The following UGGT2 variants were observed in gnomAD, a reference collection of about 807,000 sequenced individuals.
The protein encoded by UGGT2 is UDP-glucose glycoprotein glucosyltransferase 2.
A neutral mutation model predicts 192.1 loss-of-function variants in UGGT2; 180 were observed. That is an observed-to-expected ratio of 0.94 (90% confidence interval 0.83 to 1.06). The LOEUF is 1.06. Among genes scored for constraint, UGGT2 ranks in the 50% least tolerant of loss-of-function variants. The pLI is 0.00. For synonymous variants in UGGT2, 580 were observed against 591.0 expected, an observed-to-expected ratio of 0.98 and a Z score of 0.27; for missense variants, 1,849 against 1,795.7, an observed-to-expected ratio of 1.03 and a Z score of -0.54.
intron 36 of UGGT2, among the ~76,000 whole-genome samples, chr13:95,843,194 A>C (rs749751364): frequency 3.3e-5 from 5 of 152,226 alleles, no homozygotes; most frequent in Non-Finnish European, 7.4e-5. Context: ...AAATCGCCAA[A>C]CTGATTTTCA....
chr13:95,846,152 C>T (rs531604890), intron 36 of UGGT2, among the ~76,000 whole-genome samples: 3 of 152,184 alleles, frequency 2.0e-5, no homozygotes, highest in South Asian at 2.1e-4. Context: ...ACTGAGTGAA[C>T]GAGACTCCGT....
chr13:96,033,375 C>G (rs866062068), intron 1 of UGGT2, among the ~76,000 whole-genome samples: 6 of 152,162 alleles, frequency 3.9e-5, no homozygotes, highest in Non-Finnish European at 8.8e-5. Flanking sequence ...GAAGCCCCAC[C>G]CACTTCTGAG....
chr13:96,031,681 G>T (rs1044181660), intron 2 of UGGT2, among the ~76,000 whole-genome samples: 3 of 151,858 alleles, frequency 2.0e-5, no homozygotes, highest in Non-Finnish European at 4.4e-5. Context: ...ATTATATGAG[G>T]TATCTTATAA....
rs1244814495 is a variant in UGGT2 at position 95,878,266 on chromosome 13, CT to C, written c.3229-411del. Among the ~76,000 whole-genome samples the C allele has an allele frequency of 3.3e-5, 5 of 151,950 alleles. 1 individual carries two copies. Among genetic ancestry groups the C allele is most frequent in the South Asian group, 4.1e-4 (2 of 4,820 alleles). ...TAAAAAAATTAATGTCTATAATCAA[CT>C]AATTATAAATTGATCGATATATTTT... is the stretch of plus-strand genomic sequence containing the variant. On this transcript the variant is annotated intron_variant, in intron 27 of 38. Transcript: ENST00000376747.
chr13:95,958,341 C>T (rs965575307), intron 12 of UGGT2, among the ~76,000 whole-genome samples: 3 of 152,150 alleles, frequency 2.0e-5, no homozygotes, highest in South Asian at 2.1e-4. Context: ...TTAGTAGAGA[C>T]GGGGTTTCAC....
chr13:95,919,378 C>T (rs1218811939), intron 20 of UGGT2, among the ~76,000 whole-genome samples: 1 of 152,000 alleles, frequency 6.6e-6, no homozygotes, highest in African/African-American at 2.4e-5. Flanking sequence ...GGTAATCAGG[C>T]GCAAGAAAGA....
At chr13:95,875,729 A>T (rs904229821) in intron 29 of UGGT2, among the ~76,000 whole-genome samples, 1 of 152,106 alleles carries the variant, frequency 6.6e-6, no homozygotes, top group Non-Finnish European at 1.5e-5. Flanking sequence ...CACCTCTACC[A>T]CAGAACTAAG....
chr13:95,939,569 G>T (rs2049592177), intron 16 of UGGT2, among the ~76,000 whole-genome samples: 1 of 138,870 alleles, frequency 7.2e-6, no homozygotes, highest in African/African-American at 2.7e-5. Context: ...AAATATATAT[G>T]TTTATGATAT....
Position 95,947,987 on chromosome 13 carries a change from G to T in UGGT2, c.1541+9C>A. On this transcript the variant is annotated intron_variant, in intron 14 of 38. Transcript: ENST00000376747. ...AGTTGACAGTTTAATGCTATAAAATGACAATTACCTAAGAGGAACTTCGTG... is the reference window on the plus strand; with the variant it reads ...AGTTGACAGTTTAATGCTATAAAATTACAATTACCTAAGAGGAACTTCGTG... The T allele has an allele frequency of 1.2e-6, 2 of 1,600,768 alleles. No individual in the cohort carries two copies. Among genetic ancestry groups the T allele is most frequent in the South Asian group, 2.2e-5 (2 of 90,592 alleles).
At chr13:95,897,269 C>T (rs1271201476) in intron 22 of UGGT2, among the ~76,000 whole-genome samples, 1 of 151,856 alleles carries the variant, frequency 6.6e-6, no homozygotes, top group East Asian at 1.9e-4. Flanking sequence ...ATTAATGGTG[C>T]AACTGGAATT....
intron 4 of UGGT2, among the ~76,000 whole-genome samples, chr13:96,021,257 G>C (rs1272627028): frequency 2.0e-5 from 3 of 152,146 alleles, no homozygotes; most frequent in African/African-American, 7.2e-5. Context: ...AGGACTCACA[G>C]GGCCCATGGC....
intron 17 of UGGT2, among the ~76,000 whole-genome samples, chr13:95,932,603 T>A (rs1452470137): frequency 6.6e-6 from 1 of 152,184 alleles, no homozygotes; most frequent in Non-Finnish European, 1.5e-5. Flanking sequence ...CTTGCCTGAT[T>A]GCTCTAAGAC....
At chr13:96,018,040 A>G (rs1037424325) in intron 4 of UGGT2, among the ~76,000 whole-genome samples, 2 of 152,210 alleles carry the variant, frequency 1.3e-5, no homozygotes, top group African/African-American at 4.8e-5. Context: ...AAAGTCTACT[A>G]ACTATAAAAC....
intron 17 of UGGT2, among the ~76,000 whole-genome samples, chr13:95,934,073 T>G (rs1318688004): frequency 6.6e-6 from 1 of 152,110 alleles, no homozygotes; most frequent in African/African-American, 2.4e-5. Flanking sequence ...TGTTGTTTGT[T>G]TTCATTTATT....
intron 5 of UGGT2, among the ~76,000 whole-genome samples, chr13:96,004,310 G>A (rs2051901886): frequency 1.3e-5 from 2 of 152,186 alleles, no homozygotes; most frequent in Admixed American, 6.5e-5. Context: ...TCAAATCAGG[G>A]TATTTGGGAT....
chr13:95,863,609 A>T lies in UGGT2; in HGVS notation c.3644+20T>A. The T allele has an allele frequency of 6.3e-7, 1 of 1,576,920 alleles. No individual in the cohort carries two copies. The highest frequency in any genetic ancestry group is 8.7e-7 in the Non-Finnish European group (1 of 1,147,522). ...TCTGGATCAATCTAGTGATGTATTA[A>T]AATATTCATTAGTAATTACCTTTTA... On this transcript the variant is annotated intron_variant, in intron 31 of 38. Transcript: ENST00000376747.
chr13:96,009,895 C>A lies in UGGT2; in HGVS notation c.660+3412G>T, dbSNP rs533690365. Among the ~76,000 whole-genome samples, 6 of 152,202 alleles carry A rather than the reference C, an allele frequency of 3.9e-5. No homozygotes were observed. The South Asian group carries it at 1.0e-3, about 26-fold the overall frequency. ...TGGCCAAAAAGCATATAAAAATATG[C>A]TCAATATTACTAATCATTAGAGAAA... is the stretch of plus-strand genomic sequence containing the variant. On this transcript the variant is annotated intron_variant, in intron 5 of 38. Coordinates refer to ENST00000376747, the MANE Select transcript of UGGT2 (RefSeq NM_020121.4).
rs374480072 is a variant in UGGT2, at chr13:95,894,085, G to C, written c.2855+477C>G. On this transcript the variant is annotated intron_variant, in intron 24 of 38. Coordinates refer to ENST00000376747, the MANE Select transcript of UGGT2 (RefSeq NM_020121.4). ...ATCTGCTGATTCACCTTGCTGGCCT[G>C]AGGCAGCAGCCGGGCCTACAACAGT... Among the ~76,000 whole-genome samples, 20 of 152,280 alleles carry C rather than the reference G, an allele frequency of 1.3e-4. No individual in the cohort carries two copies. The East Asian group carries it at 2.9e-3, about 22-fold the overall frequency.
intron 15 of UGGT2, among the ~76,000 whole-genome samples, chr13:95,940,379 A>G (rs2049629447): frequency 2.0e-5 from 3 of 151,198 alleles, no homozygotes; most frequent in Non-Finnish European, 3.0e-5. Flanking sequence ...TTTTTAATGT[A>G]TGTATAATAT....
Sources: allele counts gnomAD v4.1 joint callset (sites outside exome capture counted in the v4.1 genomes callset), GRCh38; gene constraint gnomAD v4.1.1; transcripts MANE v1.5; gene names NCBI Gene and HGNC (gene_info 2026-07-23, HGNC 2026-07-21).